TTC7B: variants seen among roughly 807,000 people sequenced by gnomAD.
The protein encoded by TTC7B is tetratricopeptide repeat protein 7B.
In TTC7B, 28 loss-of-function variants were observed where a neutral mutation model predicts 106.8. The ratio of observed to expected loss-of-function variants is 0.26; its 90% CI spans 0.19 to 0.36. The LOEUF is 0.36. TTC7B is among the 10% of genes least tolerant of loss of function. TTC7B has a pLI of 1.00. For missense variants in TTC7B, 862 were observed against 1,076.4 expected, an observed-to-expected ratio of 0.80 and a Z score of 2.79; for synonymous variants, 405 against 430.6, an observed-to-expected ratio of 0.94 and a Z score of 0.74.
chr14:90,750,239 T>A (rs1251005638), intron 3 of TTC7B, among the ~76,000 whole-genome samples: 2 of 152,260 alleles, frequency 1.3e-5, no homozygotes, highest in Non-Finnish European at 2.9e-5. Context: ...CATTTCATAG[T>A]CTGCCTTCTG....
At position 90,802,171 on chromosome 14, in the gene TTC7B, C is replaced by G. The variant is rs1191643392; in HGVS notation, c.121+14004G>C. 3.9e-5 allele frequency among the ~76,000 whole-genome samples: 6 copies of G among 152,138 alleles called. No homozygotes were observed. The highest frequency in any genetic ancestry group is 8.8e-5 in the Non-Finnish European group (6 of 68,038). ...GCACACGGGCCACATCAGAGGGCAG[C>G]CTCGACGTGAGGCATCTCAGGGGAC... On this transcript the variant is annotated intron_variant, in intron 1 of 19. Coordinates refer to ENST00000328459, the MANE Select transcript of TTC7B (RefSeq NM_001010854.2). The surrounding 1 kb of genome is among the most constrained non-coding windows in gnomAD (Gnocchi z 4.7).
At chr14:90,613,838 G>A (rs1892965694) in intron 16 of TTC7B, among the ~76,000 whole-genome samples, 1 of 152,268 alleles carries the variant, frequency 6.6e-6, no homozygotes, top group Non-Finnish European at 1.5e-5. Flanking sequence ...GTATGTAAGC[G>A]GGAGATGCCC....
At chr14:90,688,837 G>C (rs1425851937) in intron 7 of TTC7B, among the ~76,000 whole-genome samples, 1 of 151,832 alleles carries the variant, frequency 6.6e-6, no homozygotes, top group Non-Finnish European at 1.5e-5. Flanking sequence ...AAATTTAAAA[G>C]AGCAGGAAAA....
intron 5 of TTC7B, among the ~76,000 whole-genome samples, chr14:90,729,203 G>A (rs551165423): frequency 1.8e-4 from 27 of 152,318 alleles, no homozygotes; most frequent in African/African-American, 4.8e-4. Context: ...GGACGCATGC[G>A]GCTCTGGGCC....
At chr14:90,707,079 AGGACACAGG>A (rs1253494113) in intron 5 of TTC7B, among the ~76,000 whole-genome samples, 13 of 152,234 alleles carry the variant, frequency 8.5e-5, no homozygotes, top group African/African-American at 2.7e-4. Context: ...TTCATTCTCA[AGGACACAGG>A]GGATGATGGA....
intron 5 of TTC7B, among the ~76,000 whole-genome samples, chr14:90,699,624 A>T (rs1446793387): frequency 6.6e-6 from 1 of 152,218 alleles, no homozygotes; most frequent in African/African-American, 2.4e-5. Context: ...TTTTTCTCTT[A>T]TGTGGCTGAG....
chr14:90,714,162 G>A (rs1013041265), intron 5 of TTC7B, among the ~76,000 whole-genome samples: 4 of 151,986 alleles, frequency 2.6e-5, no homozygotes, highest in South Asian at 2.1e-4. Flanking sequence ...TCCAGGAGGC[G>A]GAGTTTGCAG....
chr14:90,546,696 CATATTACCAT>C (rs910685316), intron 19 of TTC7B, among the ~76,000 whole-genome samples: 48 of 152,378 alleles, frequency 3.2e-4, no homozygotes, highest in African/African-American at 1.1e-3. Flanking sequence ...CCAATGATGA[CATATTACCAT>C]ATATTACCAT....
At chr14:90,561,812 G>A (rs1417919423) in intron 19 of TTC7B, among the ~76,000 whole-genome samples, 1 of 152,256 alleles carries the variant, frequency 6.6e-6, no homozygotes, top group Non-Finnish European at 1.5e-5. Context: ...CCTAAGCTGA[G>A]AGCAGACTGG....
At chr14:90,648,055 C>T (rs2139887703) in intron 13 of TTC7B, among the ~76,000 whole-genome samples, 2 of 152,290 alleles carry the variant, frequency 1.3e-5, no homozygotes, top group Non-Finnish European at 2.9e-5. Flanking sequence ...ATTGGACTGT[C>T]TGCTGCAGGG....
intron 13 of TTC7B, among the ~76,000 whole-genome samples, chr14:90,649,894 C>T (rs1389410132): frequency 6.6e-6 from 1 of 152,164 alleles, no homozygotes; most frequent in Non-Finnish European, 1.5e-5. Flanking sequence ...TAGTGCCTTT[C>T]CTTGATGAGC....
At chr14:90,717,306 C>T (rs1310325214) in intron 5 of TTC7B, among the ~76,000 whole-genome samples, 1 of 151,270 alleles carries the variant, frequency 6.6e-6, no homozygotes, top group Non-Finnish European at 1.5e-5. Context: ...ACCCCTGCAC[C>T]CCAGCCTGGG....
At position 90,541,437 on chromosome 14, in the gene TTC7B, G is replaced by T. The variant is rs1437416853; in HGVS notation, c.2463C>A (p.Phe821Leu). 1.2e-6 allele frequency: 2 copies of T among 1,613,286 alleles called. No individual in the cohort carries two copies. Among genetic ancestry groups the T allele is most frequent in the East Asian group, 2.2e-5 (1 of 44,862 alleles). ...TGGCCTCCAGCTCCAAGGCTGTCAG[G>T]AAGCACTCCGTAGCCGCCGCATCGT... The part of the protein sequence containing the change: ...QGNDAAATEC[F>L]LTALELEASS... Residue 821 changes from phenylalanine (F) to leucine (L), a missense_variant, in exon 20 of 20, where the codon TTC (phenylalanine) becomes TTA (leucine). Physicochemically the swap from Phe to Leu is conservative, Grantham distance 22. Coordinates refer to ENST00000328459, the MANE Select transcript of TTC7B (RefSeq NM_001010854.2).
chr14:90,653,584 G>T (rs1885822504), intron 12 of TTC7B, among the ~76,000 whole-genome samples: 1 of 152,122 alleles, frequency 6.6e-6, no homozygotes, highest in Non-Finnish European at 1.5e-5. Context: ...GAATGAAAAA[G>T]GTACTTTTTA....
intron 7 of TTC7B, among the ~76,000 whole-genome samples, chr14:90,684,938 C>A (rs1887198746): frequency 6.6e-6 from 1 of 152,058 alleles, no homozygotes; most frequent in Non-Finnish European, 1.5e-5. Context: ...CAGAAACCAC[C>A]CAGAAGGAAA....
chr14:90,721,335 C>T (rs1205987905), intron 5 of TTC7B, among the ~76,000 whole-genome samples: 1 of 152,166 alleles, frequency 6.6e-6, no homozygotes, highest in Non-Finnish European at 1.5e-5. Context: ...AATTACCTGT[C>T]TCCACAATTC....
At chr14:90,597,583 C>A (rs1012391250) in intron 17 of TTC7B, among the ~76,000 whole-genome samples, 6 of 151,940 alleles carry the variant, frequency 3.9e-5, no homozygotes, top group African/African-American at 1.2e-4. Flanking sequence ...GCTTGAACCC[C>A]AGAGGTGGAG....
chr14:90,667,554 T>C (rs1886460974), intron 9 of TTC7B, among the ~76,000 whole-genome samples: 1 of 152,232 alleles, frequency 6.6e-6, no homozygotes, highest in African/African-American at 2.4e-5. Context: ...CATGCATGGA[T>C]CTATATTACA....
At chr14:90,563,062 C>T (rs1890653021) in intron 19 of TTC7B, among the ~76,000 whole-genome samples, 1 of 152,166 alleles carries the variant, frequency 6.6e-6, no homozygotes, top group South Asian at 2.1e-4. Flanking sequence ...CTTTCAGTAC[C>T]AGAGGGGAGG....
Sources: gnomAD v4.1 joint callset for allele counts (sites outside exome capture counted in the v4.1 genomes callset) on GRCh38, gnomAD v4.1.1 for gene constraint, Gnocchi (gnomAD v3.1) non-coding constraint, MANE v1.5 for transcripts, NCBI Gene and HGNC (gene_info 2026-07-23, HGNC 2026-07-21) for gene names.